ANK3: variants seen among roughly 807,000 people sequenced by gnomAD.
The protein encoded by ANK3 is ankyrin-3.
ANK3 carries 57 observed loss-of-function variants against 370.9 expected under a neutral mutation model. That is an observed-to-expected ratio of 0.15 (90% CI 0.12 to 0.19). ANK3 has a LOEUF of 0.19. Ranked by LOEUF, ANK3 falls within the 10% of genes least tolerant of loss-of-function variation. The probability of loss-of-function intolerance (pLI) is 1.00; values close to 1 mark genes in which losing one functional copy is unlikely to be tolerated. For missense variants in ANK3, 4,439 were observed against 5,302.1 expected (o/e 0.84, Z 5.06); for synonymous variants, 1,929 against 1,946.3 (o/e 0.99, Z 0.23).
chr10:60,213,047 A>G (rs983728074), intron 9 of ANK3, among the ~76,000 whole-genome samples: 4 of 152,136 alleles, frequency 2.6e-5, no homozygotes, highest in Admixed American at 1.3e-4. Context: ...TGAACTCTCA[A>G]GAAGTAAGCT....
intron 1 of ANK3, among the ~76,000 whole-genome samples, chr10:60,367,581 A>G (rs922662189): frequency 6.6e-6 from 1 of 152,302 alleles, no homozygotes; most frequent in African/African-American, 2.4e-5. Flanking sequence ...TAAAACAACA[A>G]TCGTTGCCTT....
At chr10:60,483,024 A>C (rs2075264062) in intron 2 of ANK3, among the ~76,000 whole-genome samples, 1 of 152,234 alleles carries the variant, frequency 6.6e-6, no homozygotes, top group African/African-American at 2.4e-5. Context: ...CTTAATGTGG[A>C]TATGTCAGTG....
intron 1 of ANK3, among the ~76,000 whole-genome samples, chr10:60,658,232 AT>A (rs143601078): frequency 0.047 from 7,054 of 150,028 alleles, 187 homozygotes; most frequent in Middle Eastern, 0.076. Context: ...TAAAAAAAAA[AT>A]GTCTCATCCT....
rs181617387 is a variant in ANK3, at chr10:60,414,797, G to A, written c.97-135158C>T. ...CAGCTACCTTCACCTTTCAGAGTGAGCTAATAGACACCTGAGCAGCATTTG... is the reference window on the plus strand; with the variant it reads ...CAGCTACCTTCACCTTTCAGAGTGAACTAATAGACACCTGAGCAGCATTTG... On this transcript the variant is annotated intron_variant, in intron 2 of 43. Transcript: ENST00000373827. Among the ~76,000 whole-genome samples, 9 of 152,264 alleles carry A rather than the reference G, an allele frequency of 5.9e-5. No individual in the cohort carries two copies. In the East Asian group the frequency reaches 1.4e-3, roughly 23 times the overall value.
chr10:60,073,736 G>A lies in ANK3; in HGVS notation c.7145C>T (p.Ala2382Val), dbSNP rs1487990394. 6 of 1,613,862 alleles carry A rather than the reference G, an allele frequency of 3.7e-6. No individual in the cohort carries two copies. The highest frequency in any genetic ancestry group is 5.1e-6 in the Non-Finnish European group (6 of 1,179,994). ...ACCCTGTTCCTCTGAACAAGGAAAA[G>A]CATCGTGTTTTTCTGGCAGAAAATC... ...LKDFLPEKHD[A>V]FPCSEEQGQQ... Residue 2382 changes from alanine to valine, a missense_variant, in exon 37 of 44, where the codon GCT (alanine) becomes GTT (valine). Around this residue, in one of 13 missense-constraint regions of ANK3, gnomAD observed 1,601 missense variants for 1,731.7 expected, o/e 0.92. Coordinates refer to ENST00000280772, the MANE Select transcript of ANK3 (RefSeq NM_020987.5).
At chr10:60,051,830 T>C (rs1204073458) in intron 42 of ANK3, among the ~76,000 whole-genome samples, 1 of 151,908 alleles carries the variant, frequency 6.6e-6, no homozygotes, top group East Asian at 1.9e-4. Flanking sequence ...AAGGTAGTTA[T>C]AAGTTATTAA....
chr10:60,269,648 T>TCCCCCC (rs71836520), intron 5 of ANK3, among the ~76,000 whole-genome samples: 2 of 109,926 alleles, frequency 1.8e-5, no homozygotes, highest in African/African-American at 6.9e-5. Flanking sequence ...CCATCCCCCC[T>TCCCCCC]CCCCCCCCCC....
chr10:60,068,053 T>G lies in ANK3; in HGVS notation c.12245-44A>C, dbSNP rs141405787. On this transcript the variant is annotated intron_variant, in intron 37 of 43. Coordinates refer to ENST00000280772, the MANE Select transcript of ANK3 (RefSeq NM_020987.5). ...TAATTAAAATAATCATCAAGAAAGA[T>G]ACGATACTGGAAAATTGCTTTTAGC... 631 of 1,562,392 alleles carry G rather than the reference T, an allele frequency of 4.0e-4. No individual in the cohort carries two copies. The African/African-American group carries it at 7.7e-3, about 19-fold the overall frequency.
chr10:60,052,815 A>G (rs1266203561), intron 42 of ANK3, among the ~76,000 whole-genome samples: 1 of 150,946 alleles, frequency 6.6e-6, no homozygotes, highest in Non-Finnish European at 1.5e-5. Context: ...TCCGCTGGAA[A>G]AATGAATTCC....
intron 1 of ANK3, among the ~76,000 whole-genome samples, chr10:60,711,299 G>A (rs1294763639): frequency 6.6e-6 from 1 of 151,820 alleles, no homozygotes; most frequent in African/African-American, 2.4e-5. Context: ...TTGCATGCCT[G>A]TATCAAAACA....
intron 1 of ANK3, among the ~76,000 whole-genome samples, chr10:60,696,299 T>A (rs986292172): frequency 6.7e-6 from 1 of 149,504 alleles, no homozygotes; most frequent in Admixed American, 6.7e-5. Flanking sequence ...CCAGATGGAT[T>A]CACAGCCGAA....
At chr10:60,541,980 G>T (rs947222067) in intron 2 of ANK3, among the ~76,000 whole-genome samples, 1 of 151,738 alleles carries the variant, frequency 6.6e-6, no homozygotes, top group Non-Finnish European at 1.5e-5. Flanking sequence ...TGCTTCCTTG[G>T]GACTGAGCTG....
chr10:60,642,692 TG>T (rs1040463950), intron 1 of ANK3, among the ~76,000 whole-genome samples: 70 of 152,148 alleles, frequency 4.6e-4, no homozygotes, highest in African/African-American at 1.6e-3. Context: ...GACGAGTTAA[TG>T]GGTGCAGCAC....
At chr10:60,101,314 A>G (rs1184909527) in intron 28 of ANK3, among the ~76,000 whole-genome samples, 1 of 152,106 alleles carries the variant, frequency 6.6e-6, no homozygotes, top group African/African-American at 2.4e-5. Context: ...TAAATTAAGG[A>G]CCTCTTCTAC....
chr10:60,067,959 C>A lies in ANK3; in HGVS notation c.12295G>T (p.Asp4099Tyr). The change falls in exon 38 of 44, where the codon GAT (aspartate) becomes TAT (tyrosine). Residue 4099 changes from aspartate (D) to tyrosine (Y), a missense_variant. By Grantham distance (160) the Asp-to-Tyr change is radical (BLOSUM62 -3). This residue lies in a region of ANK3 where 99 missense variants were observed against 150.7 expected (regional missense o/e 0.66). Coordinates refer to ENST00000280772, the MANE Select transcript of ANK3 (RefSeq NM_020987.5). ...RTDIRMAIVADHLGLSWTELA... is the reference protein window; with the variant it reads ...RTDIRMAIVAYHLGLSWTELA... ...CCTGTCCAACTAAGTCCCAGGTGAT[C>A]GGCTACTATTGCCATCCTGATATCT... is the stretch of plus-strand genomic sequence containing the variant. 6.2e-7 allele frequency: 1 copy of A among 1,610,052 alleles called. No homozygotes were observed. The highest frequency in any genetic ancestry group is 8.5e-7 in the Non-Finnish European group (1 of 1,176,980).
At chr10:60,564,350 G>C (rs907929874) in intron 2 of ANK3, among the ~76,000 whole-genome samples, 3 of 152,180 alleles carry the variant, frequency 2.0e-5, no homozygotes, top group Non-Finnish European at 4.4e-5. Context: ...ACCATGCTCA[G>C]TACACCATTA....
At chr10:60,282,474 G>A (rs2098178242) in intron 1 of ANK3, among the ~76,000 whole-genome samples, 1 of 151,932 alleles carries the variant, frequency 6.6e-6, no homozygotes, top group Admixed American at 6.6e-5. Flanking sequence ...GACTAATAAA[G>A]GTGATGAATA....
In ANK3 at chr10:60,086,891, A is replaced by G; in HGVS notation, c.3541-7T>C. The G allele has an allele frequency of 1.2e-6, 2 of 1,600,508 alleles. No individual in the cohort carries two copies. Among genetic ancestry groups the G allele is most frequent in the South Asian group, 1.1e-5 (1 of 89,236 alleles). Reference sequence around the variant, plus strand: ...CATCTGGAACAGGCTGGGCCTAGAGACAGAGAAAGGACTTTAAATGAAAGT... The same window carrying G: ...CATCTGGAACAGGCTGGGCCTAGAGGCAGAGAAAGGACTTTAAATGAAAGT... On this transcript the variant is annotated splice_polypyrimidine_tract_variant and splice_region_variant and intron_variant, in intron 29 of 43. Transcript: ENST00000280772.
chr10:60,089,459 TTGTGTGTGTGTGTG>T (rs61497871), intron 28 of ANK3, among the ~76,000 whole-genome samples: 10,513 of 141,546 alleles, frequency 0.074, 691 homozygotes, highest in African/African-American at 0.17. Flanking sequence ...TCCATCCAGG[TTGTGTGTGTGTGTG>T]TGTGTGTGTG....
Sources: allele counts gnomAD v4.1 joint callset (sites outside exome capture counted in the v4.1 genomes callset), GRCh38; gene constraint gnomAD v4.1.1; regional missense constraint gnomAD v4.1.1; transcripts MANE v1.5; gene names NCBI Gene and HGNC (gene_info 2026-07-23, HGNC 2026-07-21).